DOK7: variants seen among roughly 807,000 people sequenced by gnomAD.
DOK7 encodes protein Dok-7.
In DOK7, 32 loss-of-function variants were observed where a neutral mutation model predicts 30.7. The ratio of observed to expected loss-of-function variants is 1.04; its 90% confidence interval spans 0.79 to 1.40. The LOEUF is 1.40. DOK7 is among the 40% of genes most tolerant of loss of function. The pLI, the probability that DOK7 is intolerant of heterozygous loss-of-function variation, is 0.00. For synonymous variants in DOK7, 447 were observed against 324.1 expected, an observed-to-expected ratio of 1.38 and a Z score of -4.07; for missense variants, 1,007 against 699.2, an observed-to-expected ratio of 1.44 and a Z score of -4.97.
In DOK7 at chr4:3,500,207, C is replaced by T. The variant is rs181934661; in HGVS notation, c.1109-44C>T. The T allele has an allele frequency of 1.3e-4, 202 of 1,529,052 alleles. 2 individuals are homozygous for T. Among genetic ancestry groups the T allele is most frequent in the Non-Finnish European group, 2.7e-5 (31 of 1,142,408 alleles). The allele number at this position is 1,529,052 out of a possible 1,614,324, so 94.7% of individuals were successfully genotyped here. On this transcript the variant is annotated intron_variant, in intron 6 of 7. Coordinates refer to the DOK7 transcript ENST00000643608. ...ACTGCACAATCTTTGAGATCTGTGC[C>T]CCTCTCGGTCCCCACCGGGGCTTCA...
chr4:3,474,422 G>A (rs1168199705), intron 3 of DOK7, among the ~76,000 whole-genome samples: 2 of 152,142 alleles, frequency 1.3e-5, no homozygotes, highest in African/African-American at 4.8e-5. Context: ...GCTCATACCT[G>A]TAATTCCAGT....
At chr4:3,485,404 C>G in intron 4 of DOK7, 135 bp from the exon 5 acceptor site, 1 of 1,243,994 alleles carries the variant, frequency 8.0e-7, no homozygotes, top group Non-Finnish European at 1.1e-6. Flanking sequence ...CTCTGGGCAT[C>G]TGACTTCGTG....
intron 6 of DOK7, among the ~76,000 whole-genome samples, chr4:3,490,528 C>CT (rs1728262456): frequency 1.1e-5 from 1 of 93,474 alleles, no homozygotes; most frequent in Non-Finnish European, 2.1e-5. Flanking sequence ...TTCACCCCCC[C>CT]GCTCATTCGT....
downstream of DOK7, chr4:3,494,518 C>T (rs1728787791): frequency 5.1e-6 from 5 of 985,544 alleles, no homozygotes; most frequent in Non-Finnish European, 6.0e-6. Context: ...GCCCTCTCCG[C>T]CTCCTCGCCC....
intron 5 of DOK7, among the ~76,000 whole-genome samples, chr4:3,487,233 T>C (rs1324770615): frequency 6.8e-6 from 1 of 147,662 alleles, no homozygotes; most frequent in Admixed American, 6.8e-5. Context: ...CGGAGGTGGG[T>C]TGAGCTGGGA....
intron 2 of DOK7, among the ~76,000 whole-genome samples, chr4:3,468,483 CATGT>C (rs1560205218): frequency 1.4e-5 from 2 of 143,350 alleles, no homozygotes; most frequent in East Asian, 2.1e-4. Flanking sequence ...CCTCTGTGTA[CATGT>C]ATGAGTGTGC....
chr4:3,489,863 C>T lies in DOK7; in HGVS notation c.772+67C>T, dbSNP rs1283546201. On this transcript the variant is annotated intron_variant, in intron 6 of 6. Coordinates refer to ENST00000340083, the MANE Select transcript of DOK7 (RefSeq NM_173660.5). Reference sequence around the variant, plus strand: ...GCCTCCAGCAGGAGAGCTCAGGAGGCATCCATGCATGTGTGGGGGCTGCAG... The same window carrying T: ...GCCTCCAGCAGGAGAGCTCAGGAGGTATCCATGCATGTGTGGGGGCTGCAG... The T allele has an allele frequency of 1.9e-5, 29 of 1,538,564 alleles. No homozygotes were observed. In the Admixed American group the frequency reaches 5.3e-4, roughly 28 times the overall value.
chr4:3,494,083 GT>G lies in DOK7; in HGVS notation c.*584del. 1 of 986,780 alleles carries G rather than the reference GT, an allele frequency of 1.0e-6. No individual in the cohort carries two copies. The highest frequency in any genetic ancestry group is 4.7e-5 in the South Asian group (1 of 21,336). 61.1% of individuals were successfully genotyped at this position (986,780 alleles called of 1,614,324 possible). A position where few individuals can be genotyped will look rare whatever the true frequency, so the allele number is the denominator to read the frequency against. On this transcript the variant is annotated 3_prime_UTR_variant, in exon 7 of 7. Coordinates refer to ENST00000340083, the MANE Select transcript of DOK7 (RefSeq NM_173660.5). Reference sequence around the variant, plus strand: ...GCTGTGTGGCTTGCGGGGTCTCTGGGTTCTGGGCCCCACTGTTCCCCAGTGA... The same window carrying G: ...GCTGTGTGGCTTGCGGGGTCTCTGGGTCTGGGCCCCACTGTTCCCCAGTGA...
At chr4:3,500,108 C>T (rs2858035) in intron 6 of DOK7, 2 of 1,016,906 alleles carry the variant, frequency 2.0e-6, no homozygotes, top group South Asian at 1.6e-5. Flanking sequence ...CGGTCAGGAA[C>T]ATGGAGCGGG....
intron 4 of DOK7, among the ~76,000 whole-genome samples, chr4:3,482,471 T>C (rs1727492020): frequency 6.6e-6 from 1 of 152,250 alleles, no homozygotes; most frequent in Admixed American, 6.5e-5. Context: ...GAGCAGAAGC[T>C]GCCAGGCCTC....
At chr4:3,496,837 C>T (rs1728936958), downstream of DOK7, 2 of 1,535,630 alleles carry the variant, frequency 1.3e-6, no homozygotes, top group Non-Finnish European at 1.7e-6. Flanking sequence ...CAGCCTCAGC[C>T]CCAGGACCTG....
At position 3,468,296 on chromosome 4, in the gene DOK7, G is replaced by A. The variant is rs1212495327; in HGVS notation, c.100+4745G>A. On this transcript the variant is annotated intron_variant, in intron 2 of 6. Coordinates refer to ENST00000340083, the MANE Select transcript of DOK7 (RefSeq NM_173660.5). Reference sequence around the variant, plus strand: ...AATACCTGTGGGAGTGTGTGTGCACGTGTGCACATGCGTGTGAATACCTGT... The same window carrying A: ...AATACCTGTGGGAGTGTGTGTGCACATGTGCACATGCGTGTGAATACCTGT... Among the ~76,000 whole-genome samples the A allele has an allele frequency of 5.3e-5, 8 of 151,682 alleles. 1 individual carries two copies. The highest frequency in any genetic ancestry group is 2.6e-4 in the Admixed American group (4 of 15,220).
chr4:3,496,638 T>C (rs1350993616), downstream of DOK7, among the ~76,000 whole-genome samples: 1 of 151,728 alleles, frequency 6.6e-6, no homozygotes, highest in African/African-American at 2.4e-5. Context: ...ATCTGGGGGC[T>C]GTGGGGCAAA....
At chr4:3,495,062 G>A (rs1400625392), downstream of DOK7, among the ~76,000 whole-genome samples, 1 of 152,182 alleles carries the variant, frequency 6.6e-6, no homozygotes, top group Non-Finnish European at 1.5e-5. Flanking sequence ...GACTGAGTTT[G>A]GGCCACATCC....
At position 3,493,658 on chromosome 4, in the gene DOK7, T is replaced by G. The variant is rs1242124073; in HGVS notation, c.*157T>G. 2.1e-6 allele frequency: 3 copies of G among 1,456,186 alleles called. No individual in the cohort carries two copies. In the African/African-American group the frequency reaches 4.3e-5, roughly 21 times the overall value. 90.2% of individuals were successfully genotyped at this position (1,456,186 alleles called of 1,614,324 possible). On this transcript the variant is annotated 3_prime_UTR_variant, in exon 7 of 7. Transcript: ENST00000340083. ...GGAGCTGGAGGGCGCGCCCTGTGGC[T>G]GCCACCGGAGGAAGGGGCTGACTTG...
chr4:3,480,724 G>A (rs868054747), intron 4 of DOK7, among the ~76,000 whole-genome samples: 3 of 152,212 alleles, frequency 2.0e-5, no homozygotes, highest in African/African-American at 4.8e-5. Context: ...TGCAGCCTGC[G>A]GGGGCAGCCT....
chr4:3,464,054 C>T (rs1255235774), intron 2 of DOK7, among the ~76,000 whole-genome samples: 1 of 45,868 alleles, frequency 2.2e-5, no homozygotes, highest in Non-Finnish European at 3.7e-5. Flanking sequence ...AGGCAGGGGT[C>T]CCCCCCCAGT....
At chr4:3,497,731 G>A (rs536319319), downstream of DOK7, among the ~76,000 whole-genome samples, 3 of 152,086 alleles carry the variant, frequency 2.0e-5, no homozygotes, top group Admixed American at 6.5e-5. Flanking sequence ...GCCTGGAGGG[G>A]ACAGTCAGGG....
intron 5 of DOK7, among the ~76,000 whole-genome samples, chr4:3,486,273 G>T (rs924075171): frequency 3.3e-5 from 5 of 152,188 alleles, no homozygotes; most frequent in Admixed American, 3.3e-4. Flanking sequence ...CTGGTGCCTG[G>T]GCACGGTGGG....
Sources: gnomAD v4.1 joint callset for allele counts (sites outside exome capture counted in the v4.1 genomes callset) on GRCh38, gnomAD v4.1.1 for gene constraint, MANE v1.5 for transcripts, NCBI Gene and HGNC (gene_info 2026-07-23, HGNC 2026-07-21) for gene names.